Variants in ZSWIM5 observed in about 807,000 individuals in gnomAD.
The protein encoded by ZSWIM5 is zinc finger SWIM domain-containing protein 5.
Under a neutral mutation model 119.6 loss-of-function variants are expected in ZSWIM5, and 55 were observed. That is an observed-to-expected ratio of 0.46 (90% confidence interval 0.37 to 0.58). The LOEUF (loss-of-function observed/expected upper bound fraction) is 0.58. ZSWIM5 is among the 20% of genes least tolerant of loss of function. The pLI is 0.00. For missense variants in ZSWIM5, 1,193 were observed against 1,512.8 expected (o/e 0.79, Z 3.51); for synonymous variants, 537 against 606.9 (o/e 0.88, Z 1.69).
chr1:45,090,059 C>T (rs1029023355), intron 1 of ZSWIM5, among the ~76,000 whole-genome samples: 9 of 152,122 alleles, frequency 5.9e-5, no homozygotes, highest in African/African-American at 2.2e-4. Flanking sequence ...AGTTTCAGAG[C>T]CATCATTGTG....
chr1:45,115,499 G>A (rs1299427610), intron 1 of ZSWIM5, among the ~76,000 whole-genome samples: 3 of 151,166 alleles, frequency 2.0e-5, no homozygotes, highest in Non-Finnish European at 3.0e-5. Flanking sequence ...GTTCCCAGAC[G>A]GGGTCGCGGC....
chr1:45,127,033 C>T (rs1420074498), intron 1 of ZSWIM5, among the ~76,000 whole-genome samples: 1 of 152,030 alleles, frequency 6.6e-6, no homozygotes, highest in African/African-American at 2.4e-5. Context: ...CTACCTTTAC[C>T]CTGATACCAA....
At chr1:45,172,918 C>T (rs753930041) in intron 1 of ZSWIM5, among the ~76,000 whole-genome samples, 7 of 152,102 alleles carry the variant, frequency 4.6e-5, no homozygotes, top group Non-Finnish European at 8.8e-5. Flanking sequence ...AATCCCAATG[C>T]TTTCGGAAGC....
intron 1 of ZSWIM5, among the ~76,000 whole-genome samples, chr1:45,105,740 G>T (rs1442407930): frequency 5.6e-5 from 8 of 142,700 alleles, no homozygotes; most frequent in Admixed American, 7.2e-5. Flanking sequence ...GAGCACCTCT[G>T]CCCCGCCGCC....
At chr1:45,178,071 G>A (rs1173912105) in intron 1 of ZSWIM5, among the ~76,000 whole-genome samples, 2 of 151,956 alleles carry the variant, frequency 1.3e-5, no homozygotes, top group Non-Finnish European at 2.9e-5. Flanking sequence ...AGCATCCTCA[G>A]GTCCTAGGGG....
At chr1:45,030,234 T>G (rs1208711770) in intron 11 of ZSWIM5, among the ~76,000 whole-genome samples, 1 of 149,468 alleles carries the variant, frequency 6.7e-6, no homozygotes, top group Non-Finnish European at 1.5e-5. Context: ...GTGAGTCACT[T>G]TGGCCTTTAA....
chr1:45,185,524 A>C (rs1251115979), intron 1 of ZSWIM5, among the ~76,000 whole-genome samples: 4 of 152,190 alleles, frequency 2.6e-5, no homozygotes, highest in African/African-American at 9.7e-5. Flanking sequence ...TAATATCCAG[A>C]ATCTACAAAG....
rs1367241260 is a variant in ZSWIM5, at chr1:45,016,676, T to C, written c.*1778A>G. ...AAAAGTAAAGCAGATGGAGAAGTTC[T>C]TAGTTCACATTCTAGCTATACCACC... On this transcript the variant is annotated 3_prime_UTR_variant, in exon 14 of 14. Coordinates refer to ENST00000359600, the MANE Select transcript of ZSWIM5 (RefSeq NM_020883.2). The C allele has an allele frequency of 6.6e-6, 1 of 152,238 alleles. No homozygotes were observed. Among genetic ancestry groups the C allele is most frequent in the African/African-American group, 2.4e-5 (1 of 41,444 alleles). 9.4% of individuals were successfully genotyped at this position (152,238 alleles called of 1,614,324 possible). A position where few individuals can be genotyped will look rare whatever the true frequency, so the allele number is the denominator to read the frequency against.
At position 45,162,353 on chromosome 1, in the gene ZSWIM5, A is replaced by C. The variant is rs1193170771; in HGVS notation, c.595+43403T>G. Among the ~76,000 whole-genome samples, 3 of 152,274 alleles carry C rather than the reference A, an allele frequency of 2.0e-5. No homozygotes were observed. The East Asian group carries it at 5.8e-4, about 29-fold the overall frequency. ...CTAAAAATACAAAAATTGGGAGAGG[A>C]GGTTCCAAGATGGCCGAATAGGAAC... On this transcript the variant is annotated intron_variant, in intron 1 of 13. Coordinates refer to ENST00000359600, the MANE Select transcript of ZSWIM5 (RefSeq NM_020883.2).
At chr1:45,047,017 C>CAAAA (rs35174853) in intron 5 of ZSWIM5, among the ~76,000 whole-genome samples, 4 of 92,792 alleles carry the variant, frequency 4.3e-5, no homozygotes, top group Non-Finnish European at 6.4e-5. Flanking sequence ...AACTCTGTCT[C>CAAAA]AAAAAAAAAA....
At chr1:45,086,622 G>C (rs548764279) in intron 2 of ZSWIM5, among the ~76,000 whole-genome samples, 1 of 151,942 alleles carries the variant, frequency 6.6e-6, no homozygotes, top group African/African-American at 2.4e-5. Flanking sequence ...ATCACACCCC[G>C]GGGGCTGTCG....
intron 4 of ZSWIM5, among the ~76,000 whole-genome samples, chr1:45,051,617 CAGAT>C (rs1427949792): frequency 6.6e-6 from 1 of 151,962 alleles, no homozygotes; most frequent in African/African-American, 2.4e-5. Flanking sequence ...GTGAGGGAGA[CAGAT>C]AAATAAACAT....
chr1:45,081,372 A>T (rs1645289249), intron 2 of ZSWIM5, among the ~76,000 whole-genome samples: 1 of 151,604 alleles, frequency 6.6e-6, no homozygotes, highest in Admixed American at 6.6e-5. Flanking sequence ...CCGAAGCTGG[A>T]CTATACTGCT....
intron 5 of ZSWIM5, among the ~76,000 whole-genome samples, chr1:45,044,969 C>G (rs1645045542): frequency 6.9e-6 from 1 of 144,138 alleles, no homozygotes; most frequent in African/African-American, 2.6e-5. Context: ...CCACTGGTCT[C>G]CAGCCTGAGT....
chr1:45,129,111 T>C (rs1645638709), intron 1 of ZSWIM5, among the ~76,000 whole-genome samples: 1 of 152,022 alleles, frequency 6.6e-6, no homozygotes, highest in African/African-American at 2.4e-5. Flanking sequence ...TCTTCTTTGA[T>C]TTCTTTCATC....
In ZSWIM5 at chr1:45,206,509, G is replaced by T. The variant is rs563432245; in HGVS notation, c.-159C>A. ...CCAGCCGGCCCGAGTGGGGAACCGC[G>T]GCCGGGCCCGGGAGCGCGCCGCGAG... On this transcript the variant is annotated 5_prime_UTR_variant, in exon 1 of 14. Transcript: ENST00000359600. 1.7e-4 allele frequency: 181 copies of T among 1,091,150 alleles called. 1 individual carries two copies. In the African/African-American group the frequency reaches 3.0e-3, roughly 18 times the overall value. 67.6% of individuals were successfully genotyped at this position (1,091,150 alleles called of 1,614,324 possible).
chr1:45,098,555 A>G (rs554006308), intron 1 of ZSWIM5, among the ~76,000 whole-genome samples: 1 of 152,322 alleles, frequency 6.6e-6, no homozygotes, highest in African/African-American at 2.4e-5. Flanking sequence ...GACCTAATAG[A>G]CATCTACAGA....
intron 1 of ZSWIM5, among the ~76,000 whole-genome samples, chr1:45,201,590 C>T (rs2149057724): frequency 6.6e-6 from 1 of 152,108 alleles, no homozygotes; most frequent in East Asian, 1.9e-4. Context: ...GCATAAATTT[C>T]CAGCCTTTTC....
intron 2 of ZSWIM5, among the ~76,000 whole-genome samples, chr1:45,063,417 C>T (rs1645164468): frequency 6.6e-6 from 1 of 152,184 alleles, no homozygotes; most frequent in Non-Finnish European, 1.5e-5. Context: ...CACTTCCCTG[C>T]TCAAAAGTAT....
Sources: allele counts gnomAD v4.1 joint callset (sites outside exome capture counted in the v4.1 genomes callset), GRCh38; gene constraint gnomAD v4.1.1; transcripts MANE v1.5; gene names NCBI Gene and HGNC (gene_info 2026-07-23, HGNC 2026-07-21).